The following NBAS variants were observed in gnomAD, a reference collection of about 807,000 sequenced individuals.
NBAS encodes the protein NAG/BC035112 fusion.
A neutral mutation model predicts 302.5 loss-of-function variants in NBAS; 219 were observed. That is an observed-to-expected ratio of 0.72 (90% CI 0.65 to 0.81). NBAS has a LOEUF of 0.81. Among genes scored for constraint, NBAS ranks in the 30% least tolerant of loss-of-function variants. The probability of loss-of-function intolerance (pLI) is 0.00; values close to 1 mark genes in which losing one functional copy is unlikely to be tolerated. For synonymous variants in NBAS, 1,118 were observed against 1,021.6 expected (o/e 1.09, Z -1.80); for missense variants, 2,932 against 2,841.6 (o/e 1.03, Z -0.72).
intron 14 of NBAS, 79 bp from the exon 15 acceptor site, chr2:15,474,403 T>A: frequency 1.5e-6 from 2 of 1,366,770 alleles, no homozygotes; most frequent in Non-Finnish European, 1.0e-6. Flanking sequence ...GAAAATATAT[T>A]TCTAAATCTA....
At chr2:15,195,961 G>A (rs750145789) in intron 48 of NBAS, among the ~76,000 whole-genome samples, 18 of 152,222 alleles carry the variant, frequency 1.2e-4, no homozygotes, top group Non-Finnish European at 1.9e-4. Context: ...TCAAAGGAGA[G>A]GAGACACAAA....
intron 24 of NBAS, 98 bp from the exon 25 acceptor site, chr2:15,415,817 G>T: frequency 7.7e-7 from 1 of 1,295,826 alleles, no homozygotes; most frequent in Non-Finnish European, 1.1e-6. Flanking sequence ...CAGGTCCTCA[G>T]ACTGATGTTA....
At chr2:14,826,431 G>A in the NBAS span, among the ~76,000 whole-genome samples, 1 of 152,184 alleles carries the variant, frequency 6.6e-6, no homozygotes, top group Non-Finnish European at 1.5e-5. Flanking sequence ...GATGTGGTAT[G>A]TGTGTGATGC....
At chr2:15,077,140 G>A in the NBAS span, among the ~76,000 whole-genome samples, 5 of 152,160 alleles carry the variant, frequency 3.3e-5, no homozygotes, top group African/African-American at 1.2e-4. Context: ...GAGGCCTCAG[G>A]AAACTTACAA....
intron 42 of NBAS, among the ~76,000 whole-genome samples, chr2:15,277,999 C>T (rs772487579): frequency 1.3e-5 from 2 of 152,040 alleles, no homozygotes; most frequent in Non-Finnish European, 1.5e-5. Context: ...CTAGGGTTCT[C>T]GGAAGCAGCA....
chr2:14,874,354 C>G, the NBAS span, among the ~76,000 whole-genome samples: 1 of 151,474 alleles, frequency 6.6e-6, no homozygotes, highest in Non-Finnish European at 1.5e-5. Context: ...AGGCTGGGCA[C>G]GGTGGCTCAC....
At chr2:15,043,114 T>C in the NBAS span, among the ~76,000 whole-genome samples, 8 of 152,130 alleles carry the variant, frequency 5.3e-5, no homozygotes, top group Non-Finnish European at 1.2e-4. Context: ...CACTTTACCA[T>C]TTACACAGCA....
chr2:15,046,997 G>C, the NBAS span, among the ~76,000 whole-genome samples: 1 of 152,314 alleles, frequency 6.6e-6, no homozygotes, highest in South Asian at 2.1e-4. Flanking sequence ...ACTTCTGACT[G>C]CTAGGCCAGG....
At chr2:15,292,854 A>C in intron 40 of NBAS, 88 bp from the exon 41 acceptor site, 1 of 1,310,766 alleles carries the variant, frequency 7.6e-7, no homozygotes, top group Non-Finnish European at 1.1e-6. Context: ...CCATGTCTGC[A>C]AGGAACTGTT....
At chr2:15,003,257 C>T in the NBAS span, among the ~76,000 whole-genome samples, 297 of 152,206 alleles carry the variant, frequency 2.0e-3, 6 homozygotes, top group African/African-American at 6.9e-3. Context: ...TGGAAGATGC[C>T]GATTCTGTAC....
At chr2:15,488,444 A>G (rs566869542) in intron 12 of NBAS, among the ~76,000 whole-genome samples, 97 of 152,172 alleles carry the variant, frequency 6.4e-4, no homozygotes, top group Non-Finnish European at 1.2e-3. Flanking sequence ...ATCCTTCTCT[A>G]TATCTTAGCT....
chr2:14,829,706 G>A, the NBAS span, among the ~76,000 whole-genome samples: 1 of 152,176 alleles, frequency 6.6e-6, no homozygotes, highest in African/African-American at 2.4e-5. Flanking sequence ...GGAGCAAATA[G>A]GCAAGGCTAC....
At chr2:15,145,546 C>G in the NBAS span, among the ~76,000 whole-genome samples, 81 of 152,114 alleles carry the variant, frequency 5.3e-4, no homozygotes, top group East Asian at 0.013. Flanking sequence ...GAGACTCAGA[C>G]CAGCACTGGC....
the NBAS span, among the ~76,000 whole-genome samples, chr2:14,977,158 T>C: frequency 6.6e-6 from 1 of 151,966 alleles, no homozygotes; most frequent in Non-Finnish European, 1.5e-5. Context: ...ATAGCCAGTA[T>C]AAAATTAAAA....
chr2:15,481,708 G>A (rs562227083), intron 12 of NBAS, among the ~76,000 whole-genome samples: 5 of 152,288 alleles, frequency 3.3e-5, no homozygotes, highest in South Asian at 4.2e-4. Flanking sequence ...TAACAGCATT[G>A]CATGTTGAGT....
At chr2:15,033,344 T>C in the NBAS span, among the ~76,000 whole-genome samples, 2 of 152,232 alleles carry the variant, frequency 1.3e-5, no homozygotes, top group African/African-American at 4.8e-5. Flanking sequence ...AGAGAAATTT[T>C]TTCTCCAGAT....
At chr2:15,512,574 G>C (rs1301070492) in intron 9 of NBAS, among the ~76,000 whole-genome samples, 1 of 152,132 alleles carries the variant, frequency 6.6e-6, no homozygotes, top group Non-Finnish European at 1.5e-5. Context: ...AGGTGGCCCC[G>C]AAGTAATCAC....
At chr2:14,964,531 A>T in the NBAS span, among the ~76,000 whole-genome samples, 1 of 152,216 alleles carries the variant, frequency 6.6e-6, no homozygotes, top group Non-Finnish European at 1.5e-5. Flanking sequence ...ATAAATAATC[A>T]AAATACATGA....
the NBAS span, among the ~76,000 whole-genome samples, chr2:14,810,495 T>G: frequency 6.6e-6 from 1 of 152,214 alleles, no homozygotes; most frequent in South Asian, 2.1e-4. Context: ...TCCACCATGA[T>G]TGTGAGGCTT....
Sources: gnomAD v4.1 joint callset for allele counts (sites outside exome capture counted in the v4.1 genomes callset) on GRCh38, gnomAD v4.1.1 for gene constraint, MANE v1.5 for transcripts, NCBI Gene and HGNC (gene_info 2026-07-23, HGNC 2026-07-21) for gene names.